The following MNAT1 variants were observed in gnomAD, a reference collection of about 807,000 sequenced individuals.
The protein encoded by MNAT1 is CDK-activating kinase assembly factor MAT1.
MNAT1 carries 43 observed loss-of-function variants against 42.0 expected under a neutral mutation model. The ratio of observed to expected loss-of-function variants is 1.02; its 90% CI spans 0.80 to 1.32. The LOEUF (loss-of-function observed/expected upper bound fraction) is 1.32. Among genes scored for constraint, MNAT1 ranks in the 40% most tolerant of loss-of-function variants. MNAT1 has a pLI of 0.00. For synonymous variants in MNAT1, 118 were observed against 120.0 expected (o/e 0.98, Z 0.11); for missense variants, 306 against 350.4 (o/e 0.87, Z 1.01).
chr14:60,742,878 A>G (rs753255207), intron 1 of MNAT1, among the ~76,000 whole-genome samples: 1 of 152,194 alleles, frequency 6.6e-6, no homozygotes, highest in Non-Finnish European at 1.5e-5. Context: ...GCTATACTAC[A>G]TTTTATCCAT....
chr14:60,931,277 A>G (rs1884768207), intron 7 of MNAT1, among the ~76,000 whole-genome samples: 1 of 152,146 alleles, frequency 6.6e-6, no homozygotes, highest in East Asian at 1.9e-4. Flanking sequence ...TGCACAGCCT[A>G]TAGAATATGC....
chr14:60,920,439 T>G (rs536309335), intron 7 of MNAT1, among the ~76,000 whole-genome samples: 31 of 152,252 alleles, frequency 2.0e-4, no homozygotes, highest in Non-Finnish European at 2.9e-4. Flanking sequence ...TGATTTTTTT[T>G]GGGACAGTCT....
chr14:60,762,740 A>G (rs2030660229), intron 1 of MNAT1, among the ~76,000 whole-genome samples: 1 of 149,356 alleles, frequency 6.7e-6, no homozygotes, highest in Admixed American at 6.7e-5. Context: ...TTGTGTGGTA[A>G]AATGATTATG....
intron 7 of MNAT1, among the ~76,000 whole-genome samples, chr14:60,907,289 C>T (rs566282654): frequency 1.1e-4 from 16 of 151,870 alleles, no homozygotes; most frequent in Admixed American, 8.5e-4. Flanking sequence ...AAAAATTAGC[C>T]GGGTGTGGTG....
At chr14:60,771,256 T>A (rs534904722) in intron 1 of MNAT1, among the ~76,000 whole-genome samples, 9 of 152,310 alleles carry the variant, frequency 5.9e-5, no homozygotes, top group African/African-American at 2.2e-4. Flanking sequence ...AAAATTCAGA[T>A]GTGAAGTGGC....
intron 1 of MNAT1, among the ~76,000 whole-genome samples, chr14:60,782,997 T>C (rs1336111201): frequency 1.3e-5 from 2 of 152,216 alleles, no homozygotes; most frequent in Non-Finnish European, 2.9e-5. Flanking sequence ...TAGTATGGCT[T>C]TATATTTCAT....
chr14:60,883,211 G>C (rs565395964), intron 7 of MNAT1, among the ~76,000 whole-genome samples: 1 of 152,188 alleles, frequency 6.6e-6, no homozygotes, highest in Admixed American at 6.5e-5. Flanking sequence ...TAAATAGTTT[G>C]AGGTCTTAGA....
intron 6 of MNAT1, among the ~76,000 whole-genome samples, chr14:60,838,401 G>A (rs926148295): frequency 6.6e-6 from 1 of 151,946 alleles, no homozygotes; most frequent in Non-Finnish European, 1.5e-5. Context: ...CAAAGTGCTG[G>A]GATTACAGGC....
intron 1 of MNAT1, among the ~76,000 whole-genome samples, chr14:60,776,881 C>T (rs1297473841): frequency 6.6e-6 from 1 of 152,122 alleles, no homozygotes; most frequent in East Asian, 1.9e-4. Flanking sequence ...GAGTCTCACT[C>T]TCTTTGCCTA....
intron 7 of MNAT1, among the ~76,000 whole-genome samples, chr14:60,881,438 G>GC (rs985684606): frequency 1.3e-5 from 2 of 151,974 alleles, no homozygotes; most frequent in Non-Finnish European, 2.9e-5. Context: ...GCCCACCTTG[G>GC]CCCCCCAAAA....
At chr14:60,828,964 A>G (rs1222495741) in intron 6 of MNAT1, among the ~76,000 whole-genome samples, 1 of 152,174 alleles carries the variant, frequency 6.6e-6, no homozygotes, top group African/African-American at 2.4e-5. Context: ...CTACCATCCT[A>G]GCACCTCCAT....
chr14:60,792,782 A>G (rs1475020), intron 1 of MNAT1, among the ~76,000 whole-genome samples: 131,847 of 152,226 alleles, frequency 0.87, 58,827 homozygotes, highest in Non-Finnish European at 0.98. Context: ...TCAGAGAGAA[A>G]AAGGATGTCA....
At chr14:60,785,555 G>A (rs1382062628) in intron 1 of MNAT1, among the ~76,000 whole-genome samples, 1 of 152,170 alleles carries the variant, frequency 6.6e-6, no homozygotes, top group Non-Finnish European at 1.5e-5. Context: ...AGCATTGCTT[G>A]TCATAAACCA....
chr14:60,784,821 G>T (rs2031591816), intron 1 of MNAT1, among the ~76,000 whole-genome samples: 1 of 151,852 alleles, frequency 6.6e-6, no homozygotes, highest in Non-Finnish European at 1.5e-5. Flanking sequence ...TTGGTCAAGT[G>T]GAAAGGACTT....
intron 3 of MNAT1, 129 bp downstream of exon 3, chr14:60,798,289 A>C (rs909307668): frequency 2.0e-6 from 1 of 511,542 alleles, no homozygotes; most frequent in Non-Finnish European, 3.6e-6. Context: ...TTACCTAATT[A>C]CTTTCTTTTG....
At chr14:60,908,637 A>G (rs999836305) in intron 7 of MNAT1, among the ~76,000 whole-genome samples, 3 of 152,166 alleles carry the variant, frequency 2.0e-5, no homozygotes, top group African/African-American at 7.2e-5. Flanking sequence ...CCATGTCCCT[A>G]TAAAGGACAC....
intron 6 of MNAT1, among the ~76,000 whole-genome samples, chr14:60,852,783 C>A (rs912796914): frequency 1.3e-5 from 2 of 152,186 alleles, no homozygotes; most frequent in African/African-American, 2.4e-5. Flanking sequence ...GTTTTCCCAA[C>A]ACCATTTATT....
chr14:60,910,620 A>T (rs1307615784), intron 7 of MNAT1, among the ~76,000 whole-genome samples: 1 of 152,114 alleles, frequency 6.6e-6, no homozygotes, highest in East Asian at 1.9e-4. Flanking sequence ...AATATGCTGG[A>T]TTATGATTAT....
chr14:60,919,121 G>A (rs567489286), intron 7 of MNAT1: 48 of 151,942 alleles, frequency 3.2e-4, no homozygotes, highest in South Asian at 2.1e-4. Context: ...CTGGGACTTG[G>A]ACAGTTGGTT....
Sources: gnomAD v4.1 joint callset for allele counts (sites outside exome capture counted in the v4.1 genomes callset) on GRCh38, gnomAD v4.1.1 for gene constraint, MANE v1.5 for transcripts, NCBI Gene and HGNC (gene_info 2026-07-23, HGNC 2026-07-21) for gene names.